Variants in DLG2 observed in about 807,000 individuals in gnomAD.
DLG2 encodes discs large MAGUK scaffold protein 2, also known as disks large homolog 2.
A neutral mutation model predicts 132.5 loss-of-function variants in DLG2; 45 were observed. That is an observed-to-expected ratio of 0.34 (90% CI 0.27 to 0.44). The LOEUF (loss-of-function observed/expected upper bound fraction) is 0.44. DLG2 is among the 20% of genes least tolerant of loss of function. The pLI is 1.00. For missense variants in DLG2, 1,045 were observed against 1,196.9 expected (o/e 0.87, Z 1.87); for synonymous variants, 424 against 419.6 (o/e 1.01, Z -0.13).
At chr11:85,221,575 T>A (rs552530239) in intron 4 of DLG2, among the ~76,000 whole-genome samples, 23 of 152,362 alleles carry the variant, frequency 1.5e-4, no homozygotes, top group African/African-American at 4.8e-4. Flanking sequence ...ATTTACATTT[T>A]TATGGTGATC....
chr11:85,021,520 T>C, intron 6 of DLG2: 4 of 1,558,980 alleles, frequency 2.6e-6, no homozygotes, highest in Non-Finnish European at 3.5e-6. Flanking sequence ...AACAGAGGAG[T>C]CCACAATTTT....
intron 6 of DLG2, among the ~76,000 whole-genome samples, chr11:84,797,134 A>G (rs2074738909): frequency 6.6e-6 from 1 of 152,166 alleles, no homozygotes; most frequent in South Asian, 2.1e-4. Context: ...GGCGTGAGCC[A>G]CCATGCCCGG....
chr11:84,744,100 T>C (rs2065047001), intron 6 of DLG2, among the ~76,000 whole-genome samples: 1 of 152,172 alleles, frequency 6.6e-6, no homozygotes, highest in South Asian at 2.1e-4. Flanking sequence ...GTTGGGTAGA[T>C]TTTATCCAGG....
chr11:84,373,508 T>G (rs1600890148), intron 7 of DLG2, among the ~76,000 whole-genome samples: 1 of 152,042 alleles, frequency 6.6e-6, no homozygotes, highest in Admixed American at 6.5e-5. Context: ...AAGCAGAGGT[T>G]GCAGTGAGCC....
chr11:85,294,378 C>A (rs1156405232), intron 3 of DLG2, among the ~76,000 whole-genome samples: 1 of 151,496 alleles, frequency 6.6e-6, no homozygotes, highest in African/African-American at 2.4e-5. Flanking sequence ...GAAAGAGACT[C>A]GAAGAGGAAT....
At chr11:84,891,735 G>A (rs571526535) in intron 6 of DLG2, among the ~76,000 whole-genome samples, 60 of 152,272 alleles carry the variant, frequency 3.9e-4, no homozygotes, top group African/African-American at 1.4e-3. Flanking sequence ...TTTGGACCCA[G>A]AGTTTGTTCA....
chr11:85,377,461 T>C (rs2085493998), intron 3 of DLG2, among the ~76,000 whole-genome samples: 1 of 152,146 alleles, frequency 6.6e-6, no homozygotes, highest in South Asian at 2.1e-4. Context: ...AGTACTGGGC[T>C]TGAATGTCTA....
intron 7 of DLG2, among the ~76,000 whole-genome samples, chr11:84,416,380 A>AT (rs547526864): frequency 3.9e-5 from 6 of 152,138 alleles, no homozygotes; most frequent in Middle Eastern, 3.4e-3. Context: ...AGCAAAACTG[A>AT]TTTTTTTTCC....
intron 6 of DLG2, among the ~76,000 whole-genome samples, chr11:84,677,674 A>G (rs919607851): frequency 3.9e-5 from 6 of 152,050 alleles, no homozygotes; most frequent in African/African-American, 1.4e-4. Context: ...ACTTGAGGCC[A>G]AGAGCTAGAG....
chr11:84,057,172 C>G (rs1364404732), intron 11 of DLG2, among the ~76,000 whole-genome samples: 1 of 152,168 alleles, frequency 6.6e-6, no homozygotes, highest in Non-Finnish European at 1.5e-5. Context: ...AGTAAACCAG[C>G]TGGAGCCCCA....
chr11:83,979,736 T>C (rs183987413), intron 12 of DLG2, among the ~76,000 whole-genome samples: 303 of 152,258 alleles, frequency 2.0e-3, no homozygotes, highest in Non-Finnish European at 3.0e-3. Context: ...TATAAATTCT[T>C]GGAAGTCAGG....
intron 3 of DLG2, among the ~76,000 whole-genome samples, chr11:85,424,826 A>C (rs376031901): frequency 6.6e-5 from 10 of 152,120 alleles, no homozygotes; most frequent in Non-Finnish European, 1.3e-4. Context: ...CCCTCCACAA[A>C]TCAAGAACAA....
At position 83,876,521 on chromosome 11, in the gene DLG2, T is replaced by C. The variant is rs560669970; in HGVS notation, c.1497-2033A>G. On this transcript the variant is annotated intron_variant, in intron 15 of 27. Coordinates refer to ENST00000376104, the MANE Select transcript of DLG2 (RefSeq NM_001142699.3). ...ATTACAAAATTACTGGAAATAAAAATGAGAAATTAAAAATATTCACCTATA... is the reference window on the plus strand; with the variant it reads ...ATTACAAAATTACTGGAAATAAAAACGAGAAATTAAAAATATTCACCTATA... Among the ~76,000 whole-genome samples, 178 of 152,194 alleles carry C rather than the reference T, an allele frequency of 1.2e-3. 1 individual carries two copies. Among genetic ancestry groups the C allele is most frequent in the African/African-American group, 4.2e-3 (173 of 41,550 alleles).
chr11:83,800,513 A>G (rs2044063234), intron 17 of DLG2, among the ~76,000 whole-genome samples: 1 of 152,162 alleles, frequency 6.6e-6, no homozygotes, highest in Admixed American at 6.6e-5. Flanking sequence ...GAGTGGTAAT[A>G]TTTCTGACAG....
At chr11:84,953,913 C>T (rs1347495191) in intron 6 of DLG2, among the ~76,000 whole-genome samples, 1 of 151,760 alleles carries the variant, frequency 6.6e-6, no homozygotes, top group Non-Finnish European at 1.5e-5. Context: ...ACCAAATTTT[C>T]CCTCACCTCT....
intron 8 of DLG2, among the ~76,000 whole-genome samples, chr11:84,219,589 T>C (rs1236368990): frequency 1.3e-5 from 2 of 152,258 alleles, no homozygotes; most frequent in African/African-American, 4.8e-5. Flanking sequence ...GCCTCAGGCT[T>C]ACTGACCTAT....
chr11:85,423,091 G>A (rs1261984327), intron 3 of DLG2, among the ~76,000 whole-genome samples: 1 of 152,096 alleles, frequency 6.6e-6, no homozygotes, highest in Non-Finnish European at 1.5e-5. Flanking sequence ...GGAAGGTCTA[G>A]GGCTGAAGGC....
chr11:84,989,385 G>A (rs1046183661), intron 6 of DLG2, among the ~76,000 whole-genome samples: 1 of 151,888 alleles, frequency 6.6e-6, no homozygotes, highest in Non-Finnish European at 1.5e-5. Context: ...CATGTTGGCC[G>A]GGGTGGTCTC....
chr11:83,857,367 T>C (rs2060697415), intron 16 of DLG2, among the ~76,000 whole-genome samples: 2 of 152,172 alleles, frequency 1.3e-5, no homozygotes, highest in Admixed American at 1.3e-4. Flanking sequence ...CTCATGGTAG[T>C]TTAACAGGAA....
Sources: gnomAD v4.1 joint callset for allele counts (sites outside exome capture counted in the v4.1 genomes callset) on GRCh38, gnomAD v4.1.1 for gene constraint, MANE v1.5 for transcripts, NCBI Gene and HGNC (gene_info 2026-07-23, HGNC 2026-07-21) for gene names.